The following PTPRE variants were observed in gnomAD, a reference collection of about 807,000 sequenced individuals.
PTPRE encodes the protein protein tyrosine phosphatase receptor type E.
PTPRE carries 51 observed loss-of-function variants against 102.0 expected under a neutral mutation model. That is an observed-to-expected ratio of 0.50 (90% CI 0.40 to 0.63). The LOEUF (loss-of-function observed/expected upper bound fraction) is 0.63, where lower values mean the gene tolerates loss of function less well. PTPRE is among the 30% of genes least tolerant of loss of function. PTPRE has a pLI of 0.00. For synonymous variants in PTPRE, 345 were observed against 348.2 expected, an observed-to-expected ratio of 0.99 and a Z score of 0.10; for missense variants, 752 against 915.1, an observed-to-expected ratio of 0.82 and a Z score of 2.30.
intron 4 of PTPRE, 31 bp downstream of exon 4, chr10:128,047,520 C>T (rs1230824837): frequency 6.2e-7 from 1 of 1,612,724 alleles, no homozygotes; most frequent in Non-Finnish European, 8.5e-7. Flanking sequence ...TGACTTGCCC[C>T]AACCAGCTCA....
At chr10:128,077,806 T>C (rs1218052067) in intron 19 of PTPRE, 23 bp downstream of exon 19, 3 of 1,569,614 alleles carry the variant, frequency 1.9e-6, no homozygotes, top group Non-Finnish European at 1.7e-6. Flanking sequence ...CCCGAAGCCC[T>C]CCAGGTGGGG....
rs141432047 is a variant in PTPRE at position 128,077,731 on chromosome 10, G to A, written c.1840G>A (p.Val614Met). The A allele has an allele frequency of 1.2e-5, 19 of 1,610,472 alleles. No homozygotes were observed. Among genetic ancestry groups the A allele is most frequent in the Admixed American group, 3.3e-5 (2 of 59,934 alleles). Residue 614 changes from valine (V) to methionine (M), a missense_variant, in exon 19 of 21, where the codon GTG (valine) becomes ATG (methionine). Physicochemically the swap from Val to Met is conservative, Grantham distance 21. This residue lies in a region of PTPRE where 636 missense variants were observed against 824.4 expected (regional missense o/e 0.77). Transcript: ENST00000254667. ...AGGCATGATTGACCTCATCGCAGCC[G>A]TGCAGAAGCAGCAGCAGCAGACAGG... Reference protein sequence around the residue: ...GKGMIDLIAAVQKQQQQTGNH... With the variant: ...GKGMIDLIAAMQKQQQQTGNH...
chr10:128,045,600 G>A (rs1848025683), intron 3 of PTPRE, among the ~76,000 whole-genome samples: 1 of 152,154 alleles, frequency 6.6e-6, no homozygotes, highest in Non-Finnish European at 1.5e-5. Flanking sequence ...CGTGGGGCTG[G>A]GCTCCAGGCT....
chr10:127,969,150 G>A (rs770497943), intron 1 of PTPRE, among the ~76,000 whole-genome samples: 1 of 152,166 alleles, frequency 6.6e-6, no homozygotes, highest in Non-Finnish European at 1.5e-5. Flanking sequence ...CACTAAATTC[G>A]GAAGGCGAAC....
chr10:127,992,698 C>G lies in PTPRE; in HGVS notation c.-8+10402C>G, dbSNP rs148473831. ...GAAAGCCAGACACCTGCTCTAGAAACCTAGGTACCAGGTCTAAAATCCAAA... is the reference window on the plus strand; with the variant it reads ...GAAAGCCAGACACCTGCTCTAGAAAGCTAGGTACCAGGTCTAAAATCCAAA... On this transcript the variant is annotated intron_variant, in intron 2 of 20. Coordinates refer to ENST00000254667, the MANE Select transcript of PTPRE (RefSeq NM_006504.6). Among the ~76,000 whole-genome samples the G allele has an allele frequency of 2.2e-4, 34 of 152,296 alleles. No individual in the cohort carries two copies. In the East Asian group the frequency reaches 6.2e-3, roughly 28 times the overall value.
Position 128,077,765 on chromosome 10 carries a change from C to A in PTPRE, c.1874C>A (p.Pro625His). 1 of 1,604,086 alleles carries A rather than the reference C, an allele frequency of 6.2e-7. No individual in the cohort carries two copies. Among genetic ancestry groups the A allele is most frequent in the South Asian group, 1.1e-5 (1 of 90,740 alleles). ...QKQQQQTGNH[P>H]ITVHCSAGAG... Reference sequence around the variant, plus strand: ...CAGCAGCAGCAGACAGGCAACCACCCCATCACCGTGCACTGCAGGTGAGCC... The same window carrying A: ...CAGCAGCAGCAGACAGGCAACCACCACATCACCGTGCACTGCAGGTGAGCC... Residue 625 changes from proline to histidine, a missense_variant, in exon 19 of 21, where the codon CCC (proline) becomes CAC (histidine). By Grantham distance (77) the Pro-to-His change is moderately conservative. Coordinates refer to ENST00000254667, the MANE Select transcript of PTPRE (RefSeq NM_006504.6).
intron 2 of PTPRE, among the ~76,000 whole-genome samples, chr10:128,013,296 T>G (rs1564882829): frequency 6.6e-6 from 1 of 152,096 alleles, no homozygotes; most frequent in Non-Finnish European, 1.5e-5. Flanking sequence ...AAGTCGTGAG[T>G]AGAGGAAACA....
intron 2 of PTPRE, among the ~76,000 whole-genome samples, chr10:128,024,425 G>C (rs1300449448): frequency 6.6e-6 from 1 of 152,212 alleles, no homozygotes; most frequent in Non-Finnish European, 1.5e-5. Context: ...AAGGTTCCTT[G>C]TGTCTCCAGC....
intron 7 of PTPRE, 131 bp downstream of exon 7, chr10:128,056,344 T>G (rs1027977038): frequency 1.4e-4 from 98 of 718,482 alleles, no homozygotes; most frequent in Non-Finnish European, 2.3e-4. Context: ...TGCTCAGCAT[T>G]TGCACCTAGG....
At chr10:128,022,008 G>A (rs141446718) in intron 2 of PTPRE, among the ~76,000 whole-genome samples, 2 of 152,318 alleles carry the variant, frequency 1.3e-5, no homozygotes, top group East Asian at 3.9e-4. Context: ...CCATCACTGC[G>A]TCTCCCCTGG....
intron 8 of PTPRE, among the ~76,000 whole-genome samples, 182 bp from the exon 9 acceptor site, chr10:128,061,497 C>T (rs887348694): frequency 1.3e-5 from 2 of 152,130 alleles, no homozygotes; most frequent in African/African-American, 4.8e-5. Context: ...AGAGAGGGGA[C>T]GTATGAAGTA....
chr10:127,999,672 A>G, intron 2 of PTPRE: 2 of 984,058 alleles, frequency 2.0e-6, no homozygotes, highest in South Asian at 9.4e-5. Flanking sequence ...TGCTGCTGTG[A>G]ATTATACATT....
At chr10:128,001,214 A>G (rs1360012266) in intron 2 of PTPRE, among the ~76,000 whole-genome samples, 4 of 148,894 alleles carry the variant, frequency 2.7e-5, no homozygotes, top group Non-Finnish European at 4.5e-5. Flanking sequence ...GTGTGTGTGC[A>G]TGTGTGTGTG....
chr10:127,954,003 T>G (rs886494740), intron 1 of PTPRE, among the ~76,000 whole-genome samples: 1 of 152,240 alleles, frequency 6.6e-6, no homozygotes, highest in Non-Finnish European at 1.5e-5. Flanking sequence ...GGTATGTGGA[T>G]AGACTGCTCT....
At chr10:128,082,198 T>C (rs868374066) in intron 20 of PTPRE, among the ~76,000 whole-genome samples, 1,285 of 96,946 alleles carry the variant, frequency 0.013, 182 homozygotes, top group African/African-American at 0.038. Context: ...TCTCTTTCTT[T>C]TTTTTTTTTT....
intron 3 of PTPRE, 98 bp from the exon 4 acceptor site, chr10:128,047,292 G>A (rs1848173211): frequency 6.9e-7 from 1 of 1,457,446 alleles, no homozygotes. Flanking sequence ...AATATAGTTT[G>A]GGGTTCTGGT....
intron 1 of PTPRE, among the ~76,000 whole-genome samples, chr10:127,919,969 G>T (rs35554636): frequency 1.3e-5 from 2 of 151,902 alleles, no homozygotes; most frequent in Admixed American, 1.3e-4. Flanking sequence ...ATGCTTTATG[G>T]AGGTTATGCT....
intron 6 of PTPRE, among the ~76,000 whole-genome samples, chr10:128,049,901 C>G (rs1004056059): frequency 6.6e-6 from 1 of 152,168 alleles, no homozygotes; most frequent in African/African-American, 2.4e-5. Flanking sequence ...AGCCTCCTTA[C>G]ACCTCCCCAC....
At chr10:127,937,112 A>G (rs1847896342) in intron 1 of PTPRE, among the ~76,000 whole-genome samples, 1 of 152,188 alleles carries the variant, frequency 6.6e-6, no homozygotes, top group Non-Finnish European at 1.5e-5. Flanking sequence ...CAATAAATAA[A>G]TCCAAGGTGA....
Sources: gnomAD v4.1 joint callset for allele counts (sites outside exome capture counted in the v4.1 genomes callset) on GRCh38, gnomAD v4.1.1 for gene constraint, gnomAD v4.1.1 regional missense constraint, MANE v1.5 for transcripts, NCBI Gene and HGNC (gene_info 2026-07-23, HGNC 2026-07-21) for gene names.